DMXL2: variants seen among roughly 807,000 people sequenced by gnomAD.
DMXL2 encodes Dmx like 2.
In DMXL2, 103 loss-of-function variants were observed where a neutral mutation model predicts 331.1. The ratio of observed to expected loss-of-function variants is 0.31; its 90% CI spans 0.27 to 0.37. The LOEUF is 0.37. Ranked by LOEUF, DMXL2 falls within the 10% of genes least tolerant of loss-of-function variation. DMXL2 has a pLI of 1.00. For synonymous variants in DMXL2, 1,281 were observed against 1,252.1 expected (o/e 1.02, Z -0.49); for missense variants, 3,171 against 3,642.9 (o/e 0.87, Z 3.33).
At chr15:51,496,759 CA>C (rs2043209463) in intron 18 of DMXL2, among the ~76,000 whole-genome samples, 1 of 152,076 alleles carries the variant, frequency 6.6e-6, no homozygotes, top group African/African-American at 2.4e-5. Flanking sequence ...TAGCATTTGC[CA>C]ATGAACTGGA....
Position 51,502,940 on chromosome 15 carries a change from C to A in DMXL2, c.2858G>T (p.Ser953Ile). The A allele has an allele frequency of 6.2e-7, 1 of 1,614,046 alleles. No individual in the cohort carries two copies. The highest frequency in any genetic ancestry group is 8.5e-7 in the Non-Finnish European group (1 of 1,179,948). Residue 953 changes from serine (S) to isoleucine (I), a missense_variant, in exon 17 of 44, where the codon AGC becomes ATC. Transcript: ENST00000560891. ...AATTGATGAAGAATGTGGCATGGGGCTCACACTAGGAGAGGTTTCTGGAGA... is the reference window on the plus strand; with the variant it reads ...AATTGATGAAGAATGTGGCATGGGGATCACACTAGGAGAGGTTTCTGGAGA... ...DSSPETSPSV[S>I]PMPHSSSIAN... is the part of the protein sequence containing the mutation.
At chr15:51,466,407 A>T in intron 29 of DMXL2, 96 bp from the exon 30 acceptor site, 1 of 404,242 alleles carries the variant, frequency 2.5e-6, no homozygotes, top group Non-Finnish European at 3.6e-6. Context: ...TTAATATAGA[A>T]AATATTTTTA....
chr15:51,484,814 T>C lies in DMXL2; in HGVS notation c.5482+1259A>G, dbSNP rs1178434400. Among the ~76,000 whole-genome samples the C allele has an allele frequency of 2.0e-5, 3 of 151,936 alleles. No individual in the cohort carries two copies. In the East Asian group the frequency reaches 5.8e-4, roughly 29 times the overall value. ...TCATTCAGATACAAAAGAATACAGA[T>C]ATACAACTAAATGAAATCAGGCAAA... On this transcript the variant is annotated intron_variant, in intron 23 of 43. Transcript: ENST00000560891.
rs1447385225 is a variant in DMXL2 at position 51,538,993 on chromosome 15, T to C, written c.1106-541A>G. ...GGGAGGGAGAGGCGGGTGGATTGCC[T>C]GAGCTCAGGAGATCGAGACCAGCCT... On this transcript the variant is annotated intron_variant, in intron 9 of 43. Transcript: ENST00000560891. Among the ~76,000 whole-genome samples the C allele has an allele frequency of 2.6e-5, 4 of 151,994 alleles. No homozygotes were observed. The East Asian group carries it at 7.7e-4, about 29-fold the overall frequency.
In DMXL2 at chr15:51,458,493, C is replaced by A. The variant is rs1486280457; in HGVS notation, c.8198+13G>T. On this transcript the variant is annotated intron_variant, in intron 36 of 43. Coordinates refer to ENST00000560891, the MANE Select transcript of DMXL2 (RefSeq NM_001378457.1). ...TACAGAAAACTATATGTAAAAGTGA[C>A]TATGAGACAAACCTTTTGGATTCTC... The A allele has an allele frequency of 6.2e-7, 1 of 1,612,128 alleles. No individual in the cohort carries two copies. Among genetic ancestry groups the A allele is most frequent in the Middle Eastern group, 1.7e-4 (1 of 5,868 alleles).
At chr15:51,591,402 C>A (rs1014995929) in intron 1 of DMXL2, among the ~76,000 whole-genome samples, 1 of 152,190 alleles carries the variant, frequency 6.6e-6, no homozygotes, top group African/African-American at 2.4e-5. Flanking sequence ...CCCACCATTG[C>A]CCAGCCTTGA....
chr15:51,524,463 T>G (rs992064524), intron 13 of DMXL2, among the ~76,000 whole-genome samples: 5 of 152,138 alleles, frequency 3.3e-5, no homozygotes, highest in African/African-American at 1.2e-4. Context: ...GCATTCACAG[T>G]ACCCAGTTTT....
chr15:51,516,362 T>A (rs1239103393), intron 14 of DMXL2, among the ~76,000 whole-genome samples: 1 of 152,158 alleles, frequency 6.6e-6, no homozygotes, highest in African/African-American at 2.4e-5. Context: ...GATTAAAAAG[T>A]ATATGTCCAC....
chr15:51,599,141 C>T (rs867721085), intron 1 of DMXL2, among the ~76,000 whole-genome samples: 16 of 152,298 alleles, frequency 1.1e-4, no homozygotes, highest in African/African-American at 3.8e-4. Flanking sequence ...AGTGGAAGAC[C>T]TTTAAGCTAG....
At chr15:51,622,400 TC>T (rs1319838169) in intron 1 of DMXL2, 58 bp downstream of exon 1, 2 of 1,547,206 alleles carry the variant, frequency 1.3e-6, no homozygotes, top group African/African-American at 2.7e-5. Flanking sequence ...GGACAGGAGG[TC>T]CCTGCCCCCG....
chr15:51,602,385 C>G (rs1004070224), intron 1 of DMXL2, among the ~76,000 whole-genome samples: 10 of 152,076 alleles, frequency 6.6e-5, no homozygotes, highest in African/African-American at 2.4e-4. Flanking sequence ...TTCCACAGTT[C>G]TACTCTGAGG....
Position 51,480,134 on chromosome 15 carries a change from A to T in DMXL2, c.6570T>A (p.Thr2190=), listed in dbSNP as rs200686747. The change falls in exon 25 of 44, where the codon ACT becomes ACA. Residue 2190 remains threonine (T), a synonymous_variant. Coordinates refer to ENST00000560891, the MANE Select transcript of DMXL2 (RefSeq NM_001378457.1). ...KFLLQESQQE[T]TVKQLQSPLP... is the part of the protein sequence containing the mutation. ...GTGGAGACTGGAGCTGCTTTACTGT[A>T]GTTTCCTGTGGGTGATAGTGAATTA... is the stretch of plus-strand genomic sequence containing the variant. The T allele has an allele frequency of 6.5e-7, 1 of 1,536,748 alleles. No individual in the cohort carries two copies.
At chr15:51,493,014 C>T (rs1328031983) in intron 19 of DMXL2, among the ~76,000 whole-genome samples, 1 of 152,096 alleles carries the variant, frequency 6.6e-6, no homozygotes, top group African/African-American at 2.4e-5. Flanking sequence ...TTTTAAATTT[C>T]CCACTGCCAA....
intron 26 of DMXL2, 114 bp from the exon 27 acceptor site, chr15:51,476,833 A>G: frequency 1.4e-6 from 1 of 734,444 alleles, no homozygotes; most frequent in Non-Finnish European, 2.0e-6. Context: ...CTTAAAATGC[A>G]TTCACTGTTC....
At chr15:51,522,943 C>G (rs2047459555) in intron 13 of DMXL2, among the ~76,000 whole-genome samples, 1 of 152,228 alleles carries the variant, frequency 6.6e-6, no homozygotes, top group Non-Finnish European at 1.5e-5. Context: ...TATCTCCATG[C>G]TTCCAGTACC....
chr15:51,566,334 G>A (rs904022731), intron 3 of DMXL2, among the ~76,000 whole-genome samples: 13 of 151,822 alleles, frequency 8.6e-5, no homozygotes, highest in African/African-American at 3.1e-4. Context: ...TTTATAATCA[G>A]AGAAAATGCT....
intron 1 of DMXL2, among the ~76,000 whole-genome samples, chr15:51,581,758 A>T (rs1025797177): frequency 6.6e-6 from 1 of 152,234 alleles, no homozygotes; most frequent in African/African-American, 2.4e-5. Context: ...ATGAAACTAT[A>T]GCATACAATA....
chr15:51,589,737 G>C (rs1402064013), intron 1 of DMXL2, among the ~76,000 whole-genome samples: 1 of 152,150 alleles, frequency 6.6e-6, no homozygotes, highest in East Asian at 1.9e-4. Flanking sequence ...CAATGAGCTA[G>C]AGTATGGTAC....
In DMXL2 at chr15:51,492,401, T is replaced by C. The variant is rs539960196; in HGVS notation, c.4784-654A>G. The stretch of plus-strand genomic sequence containing the variant: ...ATAAGGATAAGTTACAATCATGATG[T>C]ACATTCCTCTGCTTTTAGTGCCTTC... On this transcript the variant is annotated intron_variant, in intron 19 of 43. Coordinates refer to ENST00000560891, the MANE Select transcript of DMXL2 (RefSeq NM_001378457.1). Among the ~76,000 whole-genome samples the C allele has an allele frequency of 2.0e-5, 3 of 152,362 alleles. No homozygotes were observed. The South Asian group carries it at 6.2e-4, about 32-fold the overall frequency.
Sources: allele counts gnomAD v4.1 joint callset (sites outside exome capture counted in the v4.1 genomes callset), GRCh38; gene constraint gnomAD v4.1.1; transcripts MANE v1.5; gene names NCBI Gene and HGNC (gene_info 2026-07-23, HGNC 2026-07-21).